ARHGAP26: variants seen among roughly 807,000 people sequenced by gnomAD.
The protein encoded by ARHGAP26 is rho GTPase-activating protein 26.
ARHGAP26 carries 38 observed loss-of-function variants against 104.8 expected under a neutral mutation model. The observed-to-expected ratio is 0.36, with a 90% CI of 0.28 to 0.48. ARHGAP26 has a LOEUF of 0.48. Among genes scored for constraint, ARHGAP26 ranks in the 20% least tolerant of loss-of-function variants. The probability of loss-of-function intolerance (pLI) is 0.99; values close to 1 mark genes in which losing one functional copy is unlikely to be tolerated. For missense variants in ARHGAP26, 704 were observed against 947.9 expected, an observed-to-expected ratio of 0.74 and a Z score of 3.38; for synonymous variants, 341 against 340.0, an observed-to-expected ratio of 1.00 and a Z score of -0.03.
chr5:143,159,181 G>T (rs1431790351), intron 20 of ARHGAP26, among the ~76,000 whole-genome samples: 2 of 152,176 alleles, frequency 1.3e-5, no homozygotes, highest in African/African-American at 2.4e-5. Context: ...TTTCAGAAAT[G>T]GAATAAATGC....
At chr5:142,851,959 C>T (rs775011871) in intron 1 of ARHGAP26, among the ~76,000 whole-genome samples, 9 of 152,150 alleles carry the variant, frequency 5.9e-5, no homozygotes, top group Admixed American at 2.0e-4. Flanking sequence ...GCACACAGTC[C>T]CTCCCCAGTC....
chr5:143,143,440 A>G (rs1448842608), intron 19 of ARHGAP26, among the ~76,000 whole-genome samples: 2 of 152,116 alleles, frequency 1.3e-5, no homozygotes. Flanking sequence ...AATATCACCA[A>G]AATTATTCTG....
chr5:142,930,231 T>C (rs1764514634), intron 10 of ARHGAP26, among the ~76,000 whole-genome samples: 1 of 152,174 alleles, frequency 6.6e-6, no homozygotes, highest in Admixed American at 6.5e-5. Flanking sequence ...TCATACTTGG[T>C]CTTTAGAGAA....
chr5:143,048,498 A>C (rs1598794518), intron 14 of ARHGAP26, among the ~76,000 whole-genome samples: 1 of 148,156 alleles, frequency 6.7e-6, no homozygotes, highest in Non-Finnish European at 1.5e-5. Context: ...TAAGCTCAAG[A>C]GATCTGCCCA....
chr5:142,838,967 A>G lies in ARHGAP26; in HGVS notation c.155-34433A>G, dbSNP rs1351059550. Among the ~76,000 whole-genome samples the G allele has an allele frequency of 2.0e-5, 3 of 152,328 alleles. No homozygotes were observed. The East Asian group carries it at 5.8e-4, about 29-fold the overall frequency. On this transcript the variant is annotated intron_variant, in intron 1 of 22. Transcript: ENST00000645722. ...ATTTGGTCTAGATATGTATACCAGC[A>G]TCTCTAGGGCAAGATTTACTAAAAT...
intron 1 of ARHGAP26, among the ~76,000 whole-genome samples, chr5:142,867,328 TTTTG>T (rs1754492133): frequency 1.4e-5 from 2 of 145,752 alleles, no homozygotes; most frequent in South Asian, 2.2e-4. Flanking sequence ...TGTGTGTGTG[TTTTG>T]TTTGTTTTTG....
intron 1 of ARHGAP26, among the ~76,000 whole-genome samples, chr5:142,777,967 C>T (rs377715307): frequency 7.9e-5 from 12 of 152,084 alleles, no homozygotes; most frequent in African/African-American, 9.7e-5. Flanking sequence ...AGAGACCAAG[C>T]GTAGTGGAGC....
At chr5:142,803,145 T>A (rs1472109492) in intron 1 of ARHGAP26, among the ~76,000 whole-genome samples, 1 of 152,200 alleles carries the variant, frequency 6.6e-6, no homozygotes, top group Non-Finnish European at 1.5e-5. Flanking sequence ...GTCTTGTGTT[T>A]GGGAAATAAA....
intron 1 of ARHGAP26, among the ~76,000 whole-genome samples, chr5:142,835,714 A>G (rs1294772374): frequency 6.6e-6 from 1 of 152,252 alleles, no homozygotes; most frequent in Non-Finnish European, 1.5e-5. Flanking sequence ...ATTGTCTCAC[A>G]GGGTTTGTGG....
chr5:143,194,545 A>G (rs1169890329), intron 20 of ARHGAP26, among the ~76,000 whole-genome samples: 1 of 152,192 alleles, frequency 6.6e-6, no homozygotes, highest in African/African-American at 2.4e-5. Flanking sequence ...TAGATTATCC[A>G]GAGTAAATTT....
intron 1 of ARHGAP26, among the ~76,000 whole-genome samples, chr5:142,823,945 T>A (rs538408149): frequency 7.2e-4 from 109 of 152,358 alleles, no homozygotes; most frequent in Non-Finnish European, 1.5e-3. Context: ...AAAGATCTTT[T>A]CTTTCAGTGG....
intron 12 of ARHGAP26, among the ~76,000 whole-genome samples, chr5:143,027,507 C>T (rs1781234833): frequency 1.3e-5 from 2 of 151,358 alleles, no homozygotes; most frequent in Admixed American, 1.3e-4. Flanking sequence ...TATACATATA[C>T]TACTTTTATT....
chr5:142,900,057 G>T (rs1760075848), intron 6 of ARHGAP26, among the ~76,000 whole-genome samples: 1 of 152,214 alleles, frequency 6.6e-6, no homozygotes, highest in African/African-American at 2.4e-5. Context: ...GTAGTGTCAT[G>T]CCTTGGAAAG....
chr5:143,227,663 A>G lies in ARHGAP26; in HGVS notation c.*5217A>G. The G allele has an allele frequency of 4.4e-6, 1 of 228,590 alleles. No individual in the cohort carries two copies. The highest frequency in any genetic ancestry group is 8.7e-6 in the Non-Finnish European group (1 of 115,112). 14.2% of individuals were successfully genotyped at this position (228,590 alleles called of 1,614,324 possible). ...AAAGAGCTTCCCAAAGTGGAGGGAAAGGCCATAGAATCCAGGTGTCATTCA... is the reference window on the plus strand; with the variant it reads ...AAAGAGCTTCCCAAAGTGGAGGGAAGGGCCATAGAATCCAGGTGTCATTCA... On this transcript the variant is annotated 3_prime_UTR_variant, in exon 23 of 23. Coordinates refer to ENST00000645722, the MANE Select transcript of ARHGAP26 (RefSeq NM_001135608.3).
In ARHGAP26 at chr5:143,043,317, G is replaced by A. The variant is rs139605111; in HGVS notation, c.1285+1427G>A. Among the ~76,000 whole-genome samples, 1,328 of 152,208 alleles carry A rather than the reference G, an allele frequency of 8.7e-3. 15 individuals carry two copies. Among genetic ancestry groups the A allele is most frequent in the African/African-American group, 0.03 (1,263 of 41,522 alleles). ...ATACAATACAGAACCTTTTGGGATT[G>A]GCATTGTTTTTCAATCAGTGTAATT... On this transcript the variant is annotated intron_variant, in intron 14 of 22. Transcript: ENST00000645722.
chr5:143,113,341 C>T (rs1164901491), intron 17 of ARHGAP26, among the ~76,000 whole-genome samples: 1 of 152,168 alleles, frequency 6.6e-6, no homozygotes, highest in Non-Finnish European at 1.5e-5. Context: ...GCCTTCTTTA[C>T]CCATCTGAAA....
At position 142,902,096 on chromosome 5, in the gene ARHGAP26, GC is replaced by G. The variant is rs1281223210; in HGVS notation, c.702+59del. On this transcript the variant is annotated intron_variant, in intron 7 of 22. Transcript: ENST00000645722. Reference sequence around the variant, plus strand: ...CTGGTTAAGGAAAAACAAAATATGGGCCTGATTGCCCTAGAAACCATCCAGG... The same window carrying G: ...CTGGTTAAGGAAAAACAAAATATGGGCTGATTGCCCTAGAAACCATCCAGG... 6.8e-6 allele frequency: 10 copies of G among 1,475,800 alleles called. No homozygotes were observed. In the African/African-American group the frequency reaches 1.4e-4, roughly 21 times the overall value. 91.4% of individuals were successfully genotyped at this position (1,475,800 alleles called of 1,614,324 possible).
chr5:143,148,733 C>A (rs1277606942), intron 20 of ARHGAP26, among the ~76,000 whole-genome samples: 1 of 152,146 alleles, frequency 6.6e-6, no homozygotes, highest in African/African-American at 2.4e-5. Context: ...GAGGTTTGAC[C>A]TTCTCAGGTT....
At chr5:142,792,276 G>A (rs948034249) in intron 1 of ARHGAP26, among the ~76,000 whole-genome samples, 1 of 152,098 alleles carries the variant, frequency 6.6e-6, no homozygotes, top group African/African-American at 2.4e-5. Context: ...TGCATAAATG[G>A]GCCTTAACAG....
Sources: gnomAD v4.1 joint callset for allele counts (sites outside exome capture counted in the v4.1 genomes callset) on GRCh38, gnomAD v4.1.1 for gene constraint, MANE v1.5 for transcripts, NCBI Gene and HGNC (gene_info 2026-07-23, HGNC 2026-07-21) for gene names.